Variants in SYT16 observed in about 807,000 individuals in gnomAD.
SYT16 encodes the protein synaptotagmin-16.
A neutral mutation model predicts 61.4 loss-of-function variants in SYT16; 42 were observed. The observed-to-expected ratio is 0.68, with a 90% CI of 0.53 to 0.89. The LOEUF (loss-of-function observed/expected upper bound fraction) is 0.89. Among genes scored for constraint, SYT16 ranks in the 40% least tolerant of loss-of-function variants. The pLI is 0.00. For synonymous variants in SYT16, 314 were observed against 302.3 expected (o/e 1.04, Z -0.40); for missense variants, 804 against 807.3 (o/e 1.00, Z 0.05).
At chr14:62,001,894 G>A (rs534092777) in intron 3 of SYT16, among the ~76,000 whole-genome samples, 12 of 151,830 alleles carry the variant, frequency 7.9e-5, no homozygotes, top group South Asian at 4.1e-4. Context: ...TTTTGTTACC[G>A]TGTTTTTCGT....
chr14:61,838,786 G>C (rs1011442456), intron 1 of SYT16, among the ~76,000 whole-genome samples: 1 of 152,136 alleles, frequency 6.6e-6, no homozygotes, highest in South Asian at 2.1e-4. Flanking sequence ...GAAGGGAGAA[G>C]GGAAAAATAC....
intron 4 of SYT16, among the ~76,000 whole-genome samples, chr14:62,073,042 A>G (rs900047585): frequency 3.3e-5 from 5 of 152,118 alleles, no homozygotes; most frequent in Non-Finnish European, 7.4e-5. Context: ...GCTTTATGGA[A>G]AGGTGAATCA....
At chr14:61,910,102 A>G (rs920285533) in intron 1 of SYT16, among the ~76,000 whole-genome samples, 2 of 152,180 alleles carry the variant, frequency 1.3e-5, no homozygotes, top group Non-Finnish European at 2.9e-5. Flanking sequence ...TATGGTAGCT[A>G]TTTCTACTCT....
chr14:62,041,053 C>T (rs906805902), intron 3 of SYT16, among the ~76,000 whole-genome samples: 2 of 152,162 alleles, frequency 1.3e-5, no homozygotes, highest in African/African-American at 4.8e-5. Flanking sequence ...AGCTGAAGAA[C>T]TTGGAGTCCG....
chr14:61,955,046 A>G (rs923656202), intron 1 of SYT16, among the ~76,000 whole-genome samples: 6 of 152,140 alleles, frequency 3.9e-5, no homozygotes, highest in African/African-American at 1.4e-4. Context: ...CCCATAATGT[A>G]GCATGTATTA....
chr14:61,847,390 T>C (rs903989550), intron 1 of SYT16, among the ~76,000 whole-genome samples: 4 of 152,216 alleles, frequency 2.6e-5, no homozygotes, highest in East Asian at 1.9e-4. Flanking sequence ...TCCTGACCTG[T>C]ATGGTTTTCA....
chr14:61,906,604 T>C (rs1273641656), intron 1 of SYT16, among the ~76,000 whole-genome samples: 5 of 152,186 alleles, frequency 3.3e-5, no homozygotes, highest in Admixed American at 2.6e-4. Context: ...TGCTAAGCAC[T>C]AGAGTATGCA....
At chr14:61,939,150 C>CAA (rs1382404458) in intron 1 of SYT16, among the ~76,000 whole-genome samples, 1 of 151,846 alleles carries the variant, frequency 6.6e-6, no homozygotes, top group Non-Finnish European at 1.5e-5. Flanking sequence ...AAAACAAAAA[C>CAA]AAAAAAACCA....
chr14:61,917,442 G>A (rs928900708), intron 1 of SYT16, among the ~76,000 whole-genome samples: 1 of 152,098 alleles, frequency 6.6e-6, no homozygotes, highest in Non-Finnish European at 1.5e-5. Context: ...GATTTTTTGG[G>A]GGGAGCATAT....
chr14:61,891,937 G>A (rs780570286), intron 1 of SYT16, among the ~76,000 whole-genome samples: 9 of 152,142 alleles, frequency 5.9e-5, no homozygotes, highest in Non-Finnish European at 1.2e-4. Context: ...ATTCCCTACA[G>A]CAAATGGCAG....
At chr14:62,075,907 T>C (rs1055779549) in intron 5 of SYT16, among the ~76,000 whole-genome samples, 11 of 152,240 alleles carry the variant, frequency 7.2e-5, no homozygotes, top group African/African-American at 2.7e-4. Context: ...GATCTTGCAC[T>C]GTGAATATAT....
intron 2 of SYT16, among the ~76,000 whole-genome samples, chr14:61,973,059 A>G (rs527455540): frequency 6.6e-6 from 1 of 152,360 alleles, no homozygotes; most frequent in South Asian, 2.1e-4. Flanking sequence ...ATGATAGAAT[A>G]TCAGAAACTG....
chr14:61,813,642 T>C (rs981981245), intron 1 of SYT16, among the ~76,000 whole-genome samples: 11 of 152,082 alleles, frequency 7.2e-5, no homozygotes, highest in African/African-American at 2.7e-4. Context: ...GGCTCAGGCC[T>C]GTAATCCCAG....
At position 62,100,625 on chromosome 14, in the gene SYT16, A is replaced by G; in HGVS notation, c.1856A>G (p.Glu619Gly). The G allele has an allele frequency of 6.2e-7, 1 of 1,613,840 alleles. No homozygotes were observed. Among genetic ancestry groups the G allele is most frequent in the Non-Finnish European group, 8.5e-7 (1 of 1,179,830 alleles). The part of the protein sequence containing the change: ...WIALGQNSSG[E>G]EEQDHWEEMK... ...GCCCTGGGCCAGAACAGCAGTGGAG[A>G]GGAGGAACAAGATCACTGGGAGGAG... The change falls in exon 8 of 8, where the codon GAG (glutamate) becomes GGG (glycine). Residue 619 changes from glutamate (E) to glycine (G), a missense_variant. Transcript: ENST00000683842.
chr14:61,981,385 T>G (rs975295156), intron 2 of SYT16, among the ~76,000 whole-genome samples: 1 of 152,196 alleles, frequency 6.6e-6, no homozygotes, highest in African/African-American at 2.4e-5. Context: ...GTGTTTTTGT[T>G]TCCTTCAGTA....
intron 1 of SYT16, among the ~76,000 whole-genome samples, chr14:61,852,632 G>A (rs149935020): frequency 5.9e-5 from 9 of 152,034 alleles, no homozygotes; most frequent in African/African-American, 1.9e-4. Context: ...GAGGTTCTTC[G>A]CTTCCCTTGT....
chr14:61,999,292 T>A (rs1039097833), intron 3 of SYT16, among the ~76,000 whole-genome samples: 1 of 151,864 alleles, frequency 6.6e-6, no homozygotes, highest in Admixed American at 6.6e-5. Flanking sequence ...ATAAACTCAA[T>A]TTATTTAATA....
intron 1 of SYT16, among the ~76,000 whole-genome samples, chr14:61,829,564 T>C (rs956766686): frequency 6.6e-6 from 1 of 152,206 alleles, no homozygotes; most frequent in Admixed American, 6.5e-5. Context: ...TTTTGGTTAT[T>C]GTCCCACAGC....
chr14:61,880,304 G>C (rs534799387), intron 1 of SYT16, among the ~76,000 whole-genome samples: 5 of 152,318 alleles, frequency 3.3e-5, no homozygotes, highest in East Asian at 1.9e-4. Flanking sequence ...TGGGGGGTCT[G>C]TTTCTGGACT....
Sources: allele counts gnomAD v4.1 joint callset (sites outside exome capture counted in the v4.1 genomes callset), GRCh38; gene constraint gnomAD v4.1.1; transcripts MANE v1.5; gene names NCBI Gene and HGNC (gene_info 2026-07-23, HGNC 2026-07-21).